The following INTS1 variants were observed in gnomAD, a reference collection of about 807,000 sequenced individuals.
INTS1 encodes integrator complex subunit 1.
In INTS1, 137 loss-of-function variants were observed where a neutral mutation model predicts 241.6. The observed-to-expected ratio is 0.57, with a 90% CI of 0.49 to 0.65. The LOEUF (loss-of-function observed/expected upper bound fraction) is 0.65, where lower values mean the gene tolerates loss of function less well. INTS1 is among the 30% of genes least tolerant of loss of function. The pLI is 0.00. For missense variants in INTS1, 3,073 were observed against 3,032.2 expected (o/e 1.01, Z -0.32); for synonymous variants, 1,692 against 1,337.8 (o/e 1.26, Z -5.78).
chr7:1,498,337 C>G (rs756306894), intron 10 of INTS1, 75 bp downstream of exon 10: 24 of 1,573,242 alleles, frequency 1.5e-5, no homozygotes, highest in Non-Finnish European at 2.0e-5. Flanking sequence ...CCGGCCTCCC[C>G]AGACGCCACG....
At chr7:1,484,481 C>G (rs528871321) in intron 24 of INTS1, among the ~76,000 whole-genome samples, 1 of 152,338 alleles carries the variant, frequency 6.6e-6, no homozygotes, top group East Asian at 1.9e-4. Flanking sequence ...GGGCCACCAA[C>G]TTTCACTAGG....
intron 11 of INTS1, among the ~76,000 whole-genome samples, 164 bp from the exon 12 acceptor site, chr7:1,496,428 G>A (rs1303227271): frequency 2.3e-4 from 31 of 135,590 alleles, no homozygotes; most frequent in African/African-American, 8.1e-4. Flanking sequence ...AGGGACACCC[G>A]GGAGCCCCAC....
At chr7:1,478,646 G>A in intron 32 of INTS1, 80 bp downstream of exon 32, 1 of 1,487,824 alleles carries the variant, frequency 6.7e-7, no homozygotes, top group Admixed American at 2.1e-5. Context: ...CAGGCCTCGG[G>A]GTGCCAGGCA....
At chr7:1,472,910 G>A (rs936240762) in intron 43 of INTS1, among the ~76,000 whole-genome samples, 162 bp downstream of exon 43, 9 of 152,184 alleles carry the variant, frequency 5.9e-5, no homozygotes, top group East Asian at 1.9e-4. Context: ...TCAGTGCTTC[G>A]TCCCCTTGAG....
rs367544678 is a variant in INTS1, at chr7:1,502,986, G to A, written c.264C>T (p.Ala88=). 9.2e-5 allele frequency: 148 copies of A among 1,613,822 alleles called. 3 individuals are homozygous for A. The African/African-American group carries it at 1.1e-3, about 12-fold the overall frequency. Residue 88 remains alanine (A), a synonymous_variant, in exon 3 of 48, where the codon GCC becomes GCT. Transcript: ENST00000404767. ...CTGCAGCCTCAGCCAGGCGCCCCAGGGCACTCAGAGGGGGTGTGGAGGAGA... is the reference window on the plus strand; with the variant it reads ...CTGCAGCCTCAGCCAGGCGCCCCAGAGCACTCAGAGGGGGTGTGGAGGAGA... ...PKLSSTPPLS[A]LGRLAEAAVA...
chr7:1,485,835 T>G (rs1583124810), intron 22 of INTS1, among the ~76,000 whole-genome samples: 1 of 152,144 alleles, frequency 6.6e-6, no homozygotes, highest in East Asian at 1.9e-4. Context: ...TAAGACAGGG[T>G]CTCATTCTGT....
intron 1 of INTS1, 101 bp downstream of exon 1, chr7:1,504,222 C>A: frequency 1.9e-6 from 1 of 533,914 alleles, no homozygotes; most frequent in Non-Finnish European, 3.3e-6. Context: ...GGGCTGGAGG[C>A]GGCAGAACCA....
At position 1,476,357 on chromosome 7, in the gene INTS1, C is replaced by G; in HGVS notation, c.5250G>C (p.Gly1750=). Residue 1750 remains glycine (G), a synonymous_variant, in exon 38 of 48, where the codon GGG becomes GGC. Transcript: ENST00000404767. ...LAEAETRSQD[G]DTAACSLIQA... is the part of the protein sequence containing the mutation. ...GGATGAGGCTGCAGGCGGCTGTGTC[C>G]CCGTCCTGGCTCCGCGTCTCCGCCT... 1 of 1,577,196 alleles carries G rather than the reference C, an allele frequency of 6.3e-7. No homozygotes were observed. The highest frequency in any genetic ancestry group is 8.6e-7 in the Non-Finnish European group (1 of 1,164,906).
chr7:1,480,717 G>A (rs1781951781), intron 29 of INTS1, 118 bp downstream of exon 29: 1 of 838,916 alleles, frequency 1.2e-6, no homozygotes, highest in South Asian at 1.7e-5. Flanking sequence ...GCATCAGCAA[G>A]TGTGCACTGC....
chr7:1,492,337 G>T (rs560302404), intron 16 of INTS1, among the ~76,000 whole-genome samples: 3 of 152,126 alleles, frequency 2.0e-5, no homozygotes. Flanking sequence ...AAGGAGGCTG[G>T]TCACAAGATC....
rs958524117 is a variant in INTS1 at position 1,491,802 on chromosome 7, G to A, written c.2165+1208C>T. Among the ~76,000 whole-genome samples the A allele has an allele frequency of 2.0e-5, 3 of 152,336 alleles. No individual in the cohort carries two copies. In the East Asian group the frequency reaches 5.8e-4, roughly 29 times the overall value. ...AGTCCCAGCTACACAGGAGGCCAAG[G>A]CGGGAGGACCGCTTGAGCCAGGGAG... is the stretch of plus-strand genomic sequence containing the variant. On this transcript the variant is annotated intron_variant, in intron 16 of 47. Coordinates refer to ENST00000404767, the MANE Select transcript of INTS1 (RefSeq NM_001080453.3).
chr7:1,476,523 G>A (rs1231624479), intron 37 of INTS1, 47 bp downstream of exon 37: 9 of 1,609,838 alleles, frequency 5.6e-6, no homozygotes, highest in Middle Eastern at 1.7e-4. Context: ...CCCCTCTCCC[G>A]GATGGGCCAC....
chr7:1,484,606 G>A (rs1782158225), intron 24 of INTS1, among the ~76,000 whole-genome samples: 1 of 152,216 alleles, frequency 6.6e-6, no homozygotes, highest in African/African-American at 2.4e-5. Context: ...GTGAGCTAGA[G>A]ATGCTGAGGA....
chr7:1,488,730 T>C (rs1782399887), intron 18 of INTS1, among the ~76,000 whole-genome samples: 1 of 152,196 alleles, frequency 6.6e-6, no homozygotes, highest in African/African-American at 2.4e-5. Flanking sequence ...CTTGGTGTGG[T>C]GCCCTCACTG....
chr7:1,493,497 A>AATT lies in INTS1; in HGVS notation c.2068+256_2068+257insAAT, dbSNP rs1489600343. ...GGAAATCTGGCCGTGGCCAAATCAC[A>AATT]CCGAGAATGCCAATTCCAAAAAATG... is the stretch of plus-strand genomic sequence containing the variant. On this transcript the variant is annotated intron_variant, in intron 15 of 47. Coordinates refer to ENST00000404767, the MANE Select transcript of INTS1 (RefSeq NM_001080453.3). The surrounding 1 kb of genome is among the most constrained non-coding windows in gnomAD (Gnocchi z 5.3). Among the ~76,000 whole-genome samples the AATT allele has an allele frequency of 1.3e-5, 2 of 152,292 alleles. No individual in the cohort carries two copies. The highest frequency in any genetic ancestry group is 4.8e-5 in the African/African-American group (2 of 41,552).
Position 1,498,993 on chromosome 7 carries a change from C to T in INTS1, c.1119G>A (p.Met373Ile), listed in dbSNP as rs1451795599. 3.9e-6 allele frequency: 6 copies of T among 1,544,092 alleles called. No individual in the cohort carries two copies. In the Middle Eastern group the frequency reaches 6.8e-4, roughly 176 times the overall value. Residue 373 changes from methionine to isoleucine, a missense_variant, in exon 8 of 48, where the codon ATG becomes ATA. By Grantham distance (10) the Met-to-Ile change is conservative. Transcript: ENST00000404767. ...CCCGCACCTTGGGGTTCTGCAGCCA[C>T]ATCTCCAGCTTCTGCACCGCCAGCA... ...VRLLAVQKLE[M>I]WLQNPKLTRP...
chr7:1,472,446 C>T, intron 43 of INTS1, 60 bp from the exon 44 acceptor site: 1 of 1,229,920 alleles, frequency 8.1e-7, no homozygotes, highest in Non-Finnish European at 1.1e-6. Context: ...CACACTGAGG[C>T]ACCAGGACCT....
intron 30 of INTS1, among the ~76,000 whole-genome samples, chr7:1,479,927 G>C (rs939479083): frequency 6.6e-6 from 1 of 152,208 alleles, no homozygotes; most frequent in Non-Finnish European, 1.5e-5. Flanking sequence ...AGCCTGCCCA[G>C]GGACCACCAG....
chr7:1,488,415 C>T (rs918577931), intron 18 of INTS1, among the ~76,000 whole-genome samples: 2 of 152,174 alleles, frequency 1.3e-5, no homozygotes, highest in Admixed American at 1.3e-4. Flanking sequence ...CATGGCCGCT[C>T]TAATCTGAGC....
Sources: gnomAD v4.1 joint callset for allele counts (sites outside exome capture counted in the v4.1 genomes callset) on GRCh38, gnomAD v4.1.1 for gene constraint, Gnocchi (gnomAD v3.1) non-coding constraint, MANE v1.5 for transcripts, NCBI Gene and HGNC (gene_info 2026-07-23, HGNC 2026-07-21) for gene names.